ZNF33B: variants seen among roughly 807,000 people sequenced by gnomAD.
ZNF33B encodes zinc finger protein 33B, also known as zinc finger protein 11b (KOX 2).
ZNF33B carries 29 observed loss-of-function variants against 45.8 expected under a neutral mutation model. The observed-to-expected ratio is 0.63, with a 90% CI of 0.47 to 0.86. The LOEUF (loss-of-function observed/expected upper bound fraction) is 0.86. ZNF33B is among the 40% of genes least tolerant of loss of function. The pLI, the probability that ZNF33B is intolerant of heterozygous loss-of-function variation, is 0.00. For synonymous variants in ZNF33B, 305 were observed against 307.8 expected (o/e 0.99, Z 0.10); for missense variants, 831 against 909.9 (o/e 0.91, Z 1.12).
chr10:42,588,300 C>T (rs942373175), downstream of ZNF33B, among the ~76,000 whole-genome samples: 1 of 152,210 alleles, frequency 6.6e-6, no homozygotes. Flanking sequence ...ATGTGACACT[C>T]ACCTCCCCTA....
intron 1 of ZNF33B, among the ~76,000 whole-genome samples, chr10:42,575,223 T>A (rs1836730839): frequency 6.6e-6 from 1 of 152,320 alleles, no homozygotes; most frequent in South Asian, 2.1e-4. Flanking sequence ...TTGGTGATTA[T>A]GGATCACTCA....
At chr10:42,626,209 T>C (rs1316093935) in intron 4 of ZNF33B, among the ~76,000 whole-genome samples, 1 of 152,240 alleles carries the variant, frequency 6.6e-6, no homozygotes, top group East Asian at 1.9e-4. Context: ...CCAGGCTTGC[T>C]TGTATAACTC....
downstream of ZNF33B, chr10:42,589,022 GTTCA>G: frequency 5.2e-6 from 1 of 193,158 alleles, no homozygotes; most frequent in Non-Finnish European, 9.5e-6. Flanking sequence ...CAATTCAAAT[GTTCA>G]TTAACGGTGA....
At chr10:42,625,629 A>C (rs1258714829) in intron 4 of ZNF33B, among the ~76,000 whole-genome samples, 1 of 152,268 alleles carries the variant, frequency 6.6e-6, no homozygotes. Context: ...ATGCGCCACC[A>C]CACCCAGCTA....
intron 1 of ZNF33B, among the ~76,000 whole-genome samples, chr10:42,577,770 T>C (rs1335031222): frequency 6.6e-6 from 1 of 152,150 alleles, no homozygotes; most frequent in African/African-American, 2.4e-5. Flanking sequence ...TCGCCCCTGC[T>C]TGTAGATAAT....
intron 1 of ZNF33B, 105 bp downstream of exon 1, chr10:42,638,349 CGTCCCCGGCTTCTCCGTGAG>C (rs954834388): frequency 3.2e-6 from 1 of 314,496 alleles, no homozygotes; most frequent in African/African-American, 2.2e-5. Context: ...GCAGCCCCGC[CGTCCCCGGCTTCTCCGTGAG>C]GTCCCCGGGA....
intron 4 of ZNF33B, among the ~76,000 whole-genome samples, chr10:42,626,572 C>T (rs1208574717): frequency 6.6e-6 from 1 of 152,022 alleles, no homozygotes; most frequent in African/African-American, 2.4e-5. Context: ...CCTGTAGTCA[C>T]AGCTACTCAG....
At chr10:42,612,379 G>C (rs568035641) in intron 4 of ZNF33B, among the ~76,000 whole-genome samples, 77 of 151,958 alleles carry the variant, frequency 5.1e-4, no homozygotes, top group Non-Finnish European at 9.3e-4. Context: ...TGGGAATACA[G>C]GCGTGCTTCA....
chr10:42,624,889 T>C (rs1339317856), intron 4 of ZNF33B, among the ~76,000 whole-genome samples: 6 of 152,120 alleles, frequency 3.9e-5, no homozygotes, highest in Admixed American at 3.3e-4. Context: ...TGAACCACAG[T>C]TGACCTCAGG....
At chr10:42,634,848 A>T (rs1323530596) in intron 2 of ZNF33B, among the ~76,000 whole-genome samples, 1 of 152,266 alleles carries the variant, frequency 6.6e-6, no homozygotes, top group Non-Finnish European at 1.5e-5. Context: ...GATTATCTTC[A>T]TGACCTCAAA....
intron 1 of ZNF33B, among the ~76,000 whole-genome samples, chr10:42,579,420 T>C (rs1836793222): frequency 6.6e-6 from 1 of 152,244 alleles, no homozygotes; most frequent in African/African-American, 2.4e-5. Context: ...TTTCATTCAA[T>C]GTCCCCTTTT....
In ZNF33B at chr10:42,600,448, T is replaced by C. The variant is rs549622720; in HGVS notation, c.251-5749A>G. 2.0e-5 allele frequency among the ~76,000 whole-genome samples: 3 copies of C among 152,302 alleles called. No individual in the cohort carries two copies. In the South Asian group the frequency reaches 6.2e-4, roughly 32 times the overall value. On this transcript the variant is annotated intron_variant, in intron 4 of 4. Coordinates refer to ENST00000359467, the MANE Select transcript of ZNF33B (RefSeq NM_006955.3). Reference sequence around the variant, plus strand: ...TGAAAAAAAATCTTTATCACTGGTATTCCTGGCTCTGAAAGCTACTTCATC... The same window carrying C: ...TGAAAAAAAATCTTTATCACTGGTACTCCTGGCTCTGAAAGCTACTTCATC...
intron 4 of ZNF33B, among the ~76,000 whole-genome samples, chr10:42,602,198 A>AT (rs1485039030): frequency 1.3e-5 from 2 of 152,052 alleles, no homozygotes; most frequent in Non-Finnish European, 2.9e-5. Context: ...AAGTGCTGGC[A>AT]TTACAGGTGT....
chr10:42,577,370 T>C (rs889618368), intron 1 of ZNF33B, among the ~76,000 whole-genome samples: 5 of 152,078 alleles, frequency 3.3e-5, no homozygotes, highest in African/African-American at 1.2e-4. Flanking sequence ...TGATTCACAA[T>C]TTCCCATCTT....
chr10:42,636,350 A>G (rs1292115349), intron 2 of ZNF33B, among the ~76,000 whole-genome samples: 4 of 152,180 alleles, frequency 2.6e-5, no homozygotes, highest in African/African-American at 4.8e-5. Flanking sequence ...TTGTGTCTTC[A>G]GAGGAGTCAG....
chr10:42,608,352 G>T (rs1156904463), intron 4 of ZNF33B, among the ~76,000 whole-genome samples: 2 of 152,102 alleles, frequency 1.3e-5, no homozygotes, highest in Non-Finnish European at 2.9e-5. Context: ...AAAGCAACCA[G>T]ATCTAAGAGA....
At chr10:42,622,985 C>T (rs942443116) in intron 4 of ZNF33B, among the ~76,000 whole-genome samples, 4 of 151,952 alleles carry the variant, frequency 2.6e-5, no homozygotes, top group Non-Finnish European at 4.4e-5. Flanking sequence ...AGAGTAGGTA[C>T]GGCCGGGTGC....
At chr10:42,614,980 A>G (rs1336616799) in intron 4 of ZNF33B, among the ~76,000 whole-genome samples, 2 of 152,122 alleles carry the variant, frequency 1.3e-5, no homozygotes, top group Non-Finnish European at 2.9e-5. Flanking sequence ...GACATTCAAC[A>G]TCATTAGCCA....
At chr10:42,628,041 G>T (rs1838889440) in intron 4 of ZNF33B, among the ~76,000 whole-genome samples, 2 of 151,900 alleles carry the variant, frequency 1.3e-5, no homozygotes, top group South Asian at 4.2e-4. Flanking sequence ...TTTTGAGACA[G>T]AATCTCACTC....
Sources: gnomAD v4.1 joint callset for allele counts (sites outside exome capture counted in the v4.1 genomes callset) on GRCh38, gnomAD v4.1.1 for gene constraint, MANE v1.5 for transcripts, NCBI Gene and HGNC (gene_info 2026-07-23, HGNC 2026-07-21) for gene names.